SGCZ: variants seen among roughly 807,000 people sequenced by gnomAD.
The protein encoded by SGCZ is zeta-sarcoglycan.
In SGCZ, 40 loss-of-function variants were observed where a neutral mutation model predicts 41.3. The ratio of observed to expected loss-of-function variants is 0.97; its 90% CI spans 0.75 to 1.26. The LOEUF is 1.26. SGCZ is among the 50% of genes most tolerant of loss of function. SGCZ has a pLI of 0.00. For missense variants in SGCZ, 552 were observed against 369.8 expected (o/e 1.49, Z -4.04); for synonymous variants, 206 against 137.5 (o/e 1.50, Z -3.49).
intron 2 of SGCZ, among the ~76,000 whole-genome samples, chr8:14,486,291 T>C (rs556099181): frequency 6.6e-6 from 1 of 152,202 alleles, no homozygotes; most frequent in African/African-American, 2.4e-5. Context: ...AGAGGCCATA[T>C]GTTGAGTATG....
chr8:15,164,563 G>C (rs1215127287), intron 1 of SGCZ, among the ~76,000 whole-genome samples: 1 of 151,876 alleles, frequency 6.6e-6, no homozygotes. Flanking sequence ...AAGAATAAGA[G>C]GTTCTTCCCC....
At chr8:14,791,283 G>T (rs963973815) in intron 1 of SGCZ, among the ~76,000 whole-genome samples, 10 of 151,872 alleles carry the variant, frequency 6.6e-5, no homozygotes, top group Admixed American at 2.0e-4. Context: ...TCAAGAGTGT[G>T]AGATCGAATT....
At chr8:14,707,439 GA>G (rs1238977808) in intron 1 of SGCZ, among the ~76,000 whole-genome samples, 19 of 152,056 alleles carry the variant, frequency 1.2e-4, no homozygotes, top group Non-Finnish European at 2.4e-4. Flanking sequence ...CAAGGAGAAA[GA>G]ATAGCAAAAC....
At chr8:14,259,647 T>C (rs1210700772) in intron 3 of SGCZ, among the ~76,000 whole-genome samples, 3 of 136,310 alleles carry the variant, frequency 2.2e-5, no homozygotes, top group Admixed American at 7.4e-5. Context: ...TTCTGAGGGC[T>C]CTGTTCTGTT....
At chr8:14,447,502 A>G (rs1226829586) in intron 2 of SGCZ, among the ~76,000 whole-genome samples, 1 of 152,204 alleles carries the variant, frequency 6.6e-6, no homozygotes, top group East Asian at 1.9e-4. Flanking sequence ...TGATTTTCTA[A>G]GAAAAACAAG....
In SGCZ at chr8:14,656,590, T is replaced by TCTCTC. The variant is rs1187972300; in HGVS notation, c.40-101669_40-101665dup. ...TCCTTCCCTGCTTCTTTTCTTCTCTTCTCTCCTCTCCTCTCCCTCTCCTCT... is the reference window on the plus strand; with the variant it reads ...TCCTTCCCTGCTTCTTTTCTTCTCTTCTCTCCTCTCCTCTCCTCTCCCTCTCCTCT... On this transcript the variant is annotated intron_variant, in intron 1 of 7. Transcript: ENST00000382080. 1.9e-4 allele frequency among the ~76,000 whole-genome samples: 23 copies of TCTCTC among 122,464 alleles called. 1 individual carries two copies. The highest frequency in any genetic ancestry group is 7.5e-5 in the Non-Finnish European group (4 of 53,628). 80.3% of individuals were successfully genotyped at this position (122,464 alleles called of 152,430 possible). A position where few individuals can be genotyped will look rare whatever the true frequency, so the allele number is the denominator to read the frequency against.
At chr8:15,235,488 A>G (rs77881086) in intron 1 of SGCZ, among the ~76,000 whole-genome samples, 1,656 of 152,208 alleles carry the variant, frequency 0.011, 23 homozygotes, top group Non-Finnish European at 0.014. Context: ...CATTGCCAAT[A>G]TACCCCCTCA....
At chr8:15,178,211 T>C (rs1316502325) in intron 1 of SGCZ, among the ~76,000 whole-genome samples, 1 of 152,140 alleles carries the variant, frequency 6.6e-6, no homozygotes, top group Non-Finnish European at 1.5e-5. Context: ...TTTTGTTTTT[T>C]TCTTTGAGAA....
chr8:14,268,182 C>T (rs925072905), intron 3 of SGCZ, among the ~76,000 whole-genome samples: 1 of 149,540 alleles, frequency 6.7e-6, no homozygotes, highest in African/African-American at 2.4e-5. Flanking sequence ...AAGCAAAATA[C>T]TGGGAATACG....
intron 1 of SGCZ, among the ~76,000 whole-genome samples, chr8:15,071,731 C>T (rs10503529): frequency 0.038 from 5,803 of 152,204 alleles, 145 homozygotes; most frequent in Non-Finnish European, 0.056. Context: ...GCTTTTGTAA[C>T]CTTCTGGGAG....
intron 3 of SGCZ, among the ~76,000 whole-genome samples, chr8:14,255,799 T>G (rs1401409931): frequency 6.6e-6 from 1 of 152,038 alleles, no homozygotes; most frequent in African/African-American, 2.4e-5. Flanking sequence ...AATAAAGAGA[T>G]TTGGCATAAA....
At chr8:14,588,746 T>A (rs1007529571) in intron 1 of SGCZ, among the ~76,000 whole-genome samples, 1 of 152,186 alleles carries the variant, frequency 6.6e-6, no homozygotes, top group African/African-American at 2.4e-5. Context: ...AGAAATGTAG[T>A]CTGTGTAGTC....
At position 14,361,620 on chromosome 8, in the gene SGCZ, A is replaced by G. The variant is rs148197024; in HGVS notation, c.235-37416T>C. Among the ~76,000 whole-genome samples the G allele has an allele frequency of 2.9e-3, 435 of 152,334 alleles. 2 individuals carry two copies. Among genetic ancestry groups the G allele is most frequent in the African/African-American group, 9.6e-3 (398 of 41,586 alleles). On this transcript the variant is annotated intron_variant, in intron 2 of 7. Transcript: ENST00000382080. ...GTTTTTAGCTTCCTTGCGATGGGTT[A>G]GAACATGCTCCGTTAGCTCAGAGAA...
chr8:14,779,223 C>T (rs557013465), intron 1 of SGCZ, among the ~76,000 whole-genome samples: 2 of 152,288 alleles, frequency 1.3e-5, no homozygotes, highest in East Asian at 3.9e-4. Flanking sequence ...TTATATCTGA[C>T]TTCCCAAACT....
At position 14,208,822 on chromosome 8, in the gene SGCZ, A is replaced by C. The variant is rs1305297664; in HGVS notation, c.424+28770T>G. On this transcript the variant is annotated intron_variant, in intron 4 of 7. Transcript: ENST00000382080. Reference sequence around the variant, plus strand: ...GTATAAAGATGCTAATCATAGCATTATTACTTATGCTACAGGAGTTAAGAA... The same window carrying C: ...GTATAAAGATGCTAATCATAGCATTCTTACTTATGCTACAGGAGTTAAGAA... 2.6e-5 allele frequency among the ~76,000 whole-genome samples: 4 copies of C among 152,226 alleles called. No homozygotes were observed. In the South Asian group the frequency reaches 8.3e-4, roughly 31 times the overall value.
chr8:15,054,422 C>A (rs1413873934), intron 1 of SGCZ, among the ~76,000 whole-genome samples: 1 of 152,020 alleles, frequency 6.6e-6, no homozygotes, highest in Non-Finnish European at 1.5e-5. Flanking sequence ...GTGTCACCCC[C>A]ACACCACACA....
At chr8:14,279,005 G>A (rs1417932047) in intron 3 of SGCZ, among the ~76,000 whole-genome samples, 3 of 152,024 alleles carry the variant, frequency 2.0e-5, no homozygotes, top group Non-Finnish European at 4.4e-5. Context: ...CCTGGTCTAG[G>A]AATTTAATGG....
chr8:14,975,738 G>A, intron 1 of SGCZ, among the ~76,000 whole-genome samples: 1 of 150,162 alleles, frequency 6.7e-6, no homozygotes, highest in Admixed American at 6.6e-5. Flanking sequence ...GAAATAGTAT[G>A]TTTTTACCTT....
At chr8:14,975,789 T>TA (rs1801448590) in intron 1 of SGCZ, among the ~76,000 whole-genome samples, 2 of 125,462 alleles carry the variant, frequency 1.6e-5, no homozygotes, top group South Asian at 2.7e-4. Context: ...TTTTCCACTT[T>TA]TATATATATA....
Sources: allele counts gnomAD v4.1 joint callset (sites outside exome capture counted in the v4.1 genomes callset), GRCh38; gene constraint gnomAD v4.1.1; transcripts MANE v1.5; gene names NCBI Gene and HGNC (gene_info 2026-07-23, HGNC 2026-07-21).